GALNT13: variants seen among roughly 807,000 people sequenced by gnomAD.
The protein encoded by GALNT13 is polypeptide N-acetylgalactosaminyltransferase 13.
Under a neutral mutation model 64.2 loss-of-function variants are expected in GALNT13, and 28 were observed. The observed-to-expected ratio is 0.44, with a 90% CI of 0.32 to 0.60. GALNT13 has a LOEUF of 0.60. Among genes scored for constraint, GALNT13 ranks in the 20% least tolerant of loss-of-function variants. The pLI is 0.05. For synonymous variants in GALNT13, 214 were observed against 224.6 expected (o/e 0.95, Z 0.42); for missense variants, 577 against 669.8 (o/e 0.86, Z 1.53).
the GALNT13 span, among the ~76,000 whole-genome samples, chr2:153,176,648 C>T: frequency 2.0e-5 from 3 of 150,772 alleles, no homozygotes; most frequent in Non-Finnish European, 3.0e-5. Flanking sequence ...CTATTTAGAT[C>T]CTTAAAAGGA....
intron 9 of GALNT13, among the ~76,000 whole-genome samples, chr2:154,324,364 AT>A (rs943939142): frequency 4.0e-5 from 6 of 151,854 alleles, no homozygotes; most frequent in African/African-American, 1.5e-4. Context: ...TTGTTTTATT[AT>A]TTTTTACTAG....
chr2:153,606,812 C>G, the GALNT13 span, among the ~76,000 whole-genome samples: 3 of 151,306 alleles, frequency 2.0e-5, no homozygotes, highest in African/African-American at 7.3e-5. Context: ...ACATTCTCTT[C>G]TGACTTATTG....
intron 4 of GALNT13, among the ~76,000 whole-genome samples, chr2:154,201,983 C>T (rs972998129): frequency 3.3e-5 from 5 of 152,154 alleles, no homozygotes; most frequent in African/African-American, 1.2e-4. Flanking sequence ...TTGACAATTA[C>T]ATTTTTACAA....
chr2:154,036,681 A>G (rs1279114694), intron 3 of GALNT13, among the ~76,000 whole-genome samples: 1 of 151,954 alleles, frequency 6.6e-6, no homozygotes, highest in Non-Finnish European at 1.5e-5. Context: ...TTTACTTTAC[A>G]CCATCATGCA....
At chr2:153,155,698 G>GT in the GALNT13 span, among the ~76,000 whole-genome samples, 2 of 151,818 alleles carry the variant, frequency 1.3e-5, no homozygotes, top group Admixed American at 1.3e-4. Context: ...TTTTTGAATG[G>GT]TTTTTGTGTT....
At chr2:153,447,133 C>A in the GALNT13 span, among the ~76,000 whole-genome samples, 46 of 152,258 alleles carry the variant, frequency 3.0e-4, no homozygotes, top group African/African-American at 1.0e-3. Context: ...ATAAAATAAA[C>A]CTAACTGCAA....
chr2:154,355,104 C>T (rs982705919), intron 9 of GALNT13, among the ~76,000 whole-genome samples: 2 of 152,086 alleles, frequency 1.3e-5, no homozygotes, highest in African/African-American at 2.4e-5. Flanking sequence ...CCCCACTCAA[C>T]TGCCATTAGA....
At chr2:154,117,634 A>G (rs535338530) in intron 3 of GALNT13, among the ~76,000 whole-genome samples, 26 of 152,336 alleles carry the variant, frequency 1.7e-4, no homozygotes, top group African/African-American at 6.3e-4. Flanking sequence ...TCCATCATAA[A>G]TAGACACATT....
chr2:153,892,262 T>C (rs1022332068), intron 1 of GALNT13, among the ~76,000 whole-genome samples: 5 of 151,992 alleles, frequency 3.3e-5, no homozygotes, highest in African/African-American at 1.2e-4. Context: ...TTGTTAAATA[T>C]TGATGCAGTA....
In GALNT13 at chr2:154,224,919, T is replaced by G. The variant is rs916836997; in HGVS notation, c.312-17111T>G. On this transcript the variant is annotated intron_variant, in intron 4 of 12. Transcript: ENST00000392825. ...TTATGTAGCAAAGCAATAAGTTAAA[T>G]GAAAAGACAAACGTCAAACTGATAG... Among the ~76,000 whole-genome samples the G allele has an allele frequency of 7.9e-5, 12 of 152,160 alleles. No individual in the cohort carries two copies. The South Asian group carries it at 2.1e-3, about 26-fold the overall frequency.
At chr2:154,366,721 G>A (rs1697381804) in intron 9 of GALNT13, among the ~76,000 whole-genome samples, 1 of 152,208 alleles carries the variant, frequency 6.6e-6, no homozygotes, top group Non-Finnish European at 1.5e-5. Flanking sequence ...TCCTCTGTAT[G>A]ATGGACAGAA....
intron 9 of GALNT13, among the ~76,000 whole-genome samples, chr2:154,337,541 A>C (rs1391476410): frequency 6.6e-6 from 1 of 152,096 alleles, no homozygotes; most frequent in African/African-American, 2.4e-5. Flanking sequence ...ACCCATAAGC[A>C]TACCACATAG....
intron 3 of GALNT13, among the ~76,000 whole-genome samples, chr2:154,095,724 T>G (rs537868837): frequency 2.0e-5 from 3 of 152,156 alleles, no homozygotes; most frequent in African/African-American, 7.2e-5. Flanking sequence ...CATAGTTTTA[T>G]CTGAATGAAT....
At chr2:153,678,539 T>C in the GALNT13 span, among the ~76,000 whole-genome samples, 1 of 151,914 alleles carries the variant, frequency 6.6e-6, no homozygotes, top group Non-Finnish European at 1.5e-5. Context: ...AGGTGGGGCA[T>C]GGAAGGAGGG....
chr2:153,963,737 G>C (rs879363100), intron 3 of GALNT13, among the ~76,000 whole-genome samples: 9,972 of 89,170 alleles, frequency 0.11, 705 homozygotes, highest in East Asian at 0.51. Context: ...CTCTCTGTGT[G>C]TGTGTGTGTG....
chr2:153,414,830 T>A, the GALNT13 span, among the ~76,000 whole-genome samples: 4 of 152,282 alleles, frequency 2.6e-5, no homozygotes, highest in East Asian at 7.7e-4. Context: ...ATTGAAAGGT[T>A]ACAATGTGGT....
chr2:153,571,954 T>C, the GALNT13 span, among the ~76,000 whole-genome samples: 2 of 151,828 alleles, frequency 1.3e-5, no homozygotes, highest in Non-Finnish European at 3.0e-5. Context: ...GGGTAATAAT[T>C]GCCTTATAGA....
At chr2:153,788,130 A>G in the GALNT13 span, among the ~76,000 whole-genome samples, 2 of 152,172 alleles carry the variant, frequency 1.3e-5, no homozygotes, top group Non-Finnish European at 2.9e-5. Flanking sequence ...CATCCTCAAG[A>G]TACATAATCA....
intron 2 of GALNT13, among the ~76,000 whole-genome samples, chr2:153,932,448 C>A (rs1690596414): frequency 6.6e-6 from 1 of 151,846 alleles, no homozygotes; most frequent in South Asian, 2.1e-4. Flanking sequence ...ACTGCTTTAG[C>A]TATGTCCCAG....
Sources: gnomAD v4.1 joint callset for allele counts (sites outside exome capture counted in the v4.1 genomes callset) on GRCh38, gnomAD v4.1.1 for gene constraint, MANE v1.5 for transcripts, NCBI Gene and HGNC (gene_info 2026-07-23, HGNC 2026-07-21) for gene names.